Variants in NDE1 observed in about 807,000 individuals in gnomAD.
NDE1 encodes the protein nuclear distribution protein nudE homolog 1.
A neutral mutation model predicts 43.4 loss-of-function variants in NDE1; 28 were observed. The observed-to-expected ratio is 0.65, with a 90% CI of 0.48 to 0.89. The LOEUF is 0.89. NDE1 is among the 40% of genes least tolerant of loss of function. The pLI is 0.00. For synonymous variants in NDE1, 184 were observed against 172.0 expected (o/e 1.07, Z -0.55); for missense variants, 441 against 434.1 (o/e 1.02, Z -0.14).
rs2037969890 is a variant in NDE1, at chr16:15,677,911, G to A, written c.348G>A (p.Glu116=). The change falls in exon 4 of 9, where the codon GAG becomes GAA. Residue 116 remains glutamate (E), a synonymous_variant. Coordinates refer to ENST00000396354, the MANE Select transcript of NDE1 (RefSeq NM_017668.3). ...IKDQLQKYIR[E]LEQANDDLER... is the part of the protein sequence containing the mutation. ...ACCAATTGCAGAAATACATCAGAGA[G>A]CTGGAGCAAGCAAATGACGACCTGG... is the stretch of plus-strand genomic sequence containing the variant. 5.6e-6 allele frequency: 9 copies of A among 1,613,986 alleles called. No homozygotes were observed. The highest frequency in any genetic ancestry group is 7.6e-6 in the Non-Finnish European group (9 of 1,180,032).
intron 1 of NDE1, among the ~76,000 whole-genome samples, chr16:15,656,062 T>C (rs2036750965): frequency 6.6e-6 from 1 of 151,158 alleles, no homozygotes; most frequent in South Asian, 2.1e-4. Context: ...CACACCAGCA[T>C]GGCACATGTA....
rs752360820 is a variant in NDE1, at chr16:15,694,185, G to A, written c.724G>A (p.Gly242Arg). The A allele has an allele frequency of 3.1e-6, 5 of 1,612,870 alleles. No homozygotes were observed. The highest frequency in any genetic ancestry group is 1.9e-4 in the Middle Eastern group (1 of 5,172). The change falls in exon 7 of 9, where the codon GGG (glycine) becomes AGG (arginine). Residue 242 changes from glycine to arginine, a missense_variant. Gly to Arg is a moderately radical substitution (Grantham distance 125). Coordinates refer to ENST00000396354, the MANE Select transcript of NDE1 (RefSeq NM_017668.3). ...FRRGLDDSTG[G>R]TPLTPAARIS... is the part of the protein sequence containing the mutation. ...CCCAGGCCTGGACGACTCCACCGGG[G>A]GGACCCCCCTCACACCTGCGGCCCG...
intron 2 of NDE1, 26 bp downstream of exon 2, chr16:15,664,887 C>CTT (rs377725096): frequency 1.8e-3 from 2,364 of 1,334,680 alleles, no homozygotes; most frequent in Non-Finnish European, 2.0e-3. Flanking sequence ...CCTGCTTTTC[C>CTT]TTTTTTTTTT....
At chr16:15,697,067 G>A in intron 8 of NDE1, 1 of 1,483,962 alleles carries the variant, frequency 6.7e-7, no homozygotes, top group African/African-American at 1.4e-5. Context: ...CTTGTTTTGT[G>A]AGACAGGGTC....
At chr16:15,673,560 T>C (rs1054294081) in intron 3 of NDE1, among the ~76,000 whole-genome samples, 3 of 151,890 alleles carry the variant, frequency 2.0e-5, no homozygotes, top group Non-Finnish European at 4.4e-5. Context: ...TTTTTTTTTT[T>C]TTTAAGCGTT....
At chr16:15,708,707 A>G (rs2039602861) in intron 8 of NDE1, 1 of 1,309,916 alleles carries the variant, frequency 7.6e-7, no homozygotes, top group African/African-American at 1.5e-5. Flanking sequence ...GGAAATGTGC[A>G]AGGGTTTAAA....
intron 8 of NDE1, chr16:15,714,551 G>T (rs556672614): frequency 7.4e-6 from 3 of 406,538 alleles, no homozygotes; most frequent in East Asian, 5.1e-5. Flanking sequence ...GTGAAGTGGC[G>T]GGGGGTGGTG....
intron 8 of NDE1, chr16:15,718,526 G>A: frequency 6.7e-7 from 1 of 1,492,210 alleles, no homozygotes; most frequent in South Asian, 1.3e-5. Flanking sequence ...CAGGGGTATT[G>A]CCCTCATCAT....
intron 8 of NDE1, among the ~76,000 whole-genome samples, chr16:15,697,871 A>G (rs1395034166): frequency 6.8e-6 from 1 of 148,050 alleles, no homozygotes; most frequent in African/African-American, 2.5e-5. Flanking sequence ...TAGTGGCATG[A>G]TCTCAGCTCA....
intron 8 of NDE1, chr16:15,708,885 A>G (rs767483296): frequency 1.3e-6 from 2 of 1,574,742 alleles, no homozygotes; most frequent in African/African-American, 1.3e-5. Flanking sequence ...TCAGCAAACA[A>G]GAAGGAGCCC....
At position 15,653,797 on chromosome 16, in the gene NDE1, G is replaced by A. The variant is rs187978446; in HGVS notation, c.-44+3503G>A. On this transcript the variant is annotated intron_variant, in intron 1 of 8. Coordinates refer to ENST00000396354, the MANE Select transcript of NDE1 (RefSeq NM_017668.3). ...GGCTGGAGTGCTGTGGGGCGATCTC[G>A]GCTCACTGCAACCACCGCCTCCCAT... 5.7e-3 allele frequency among the ~76,000 whole-genome samples: 859 copies of A among 150,598 alleles called. 8 individuals carry two copies. The highest frequency in any genetic ancestry group is 0.02 in the African/African-American group (828 of 40,962).
intron 8 of NDE1, among the ~76,000 whole-genome samples, chr16:15,697,897 C>T (rs957290992): frequency 1.3e-5 from 2 of 151,492 alleles, no homozygotes; most frequent in Admixed American, 1.3e-4. Context: ...ACCTCTGCCT[C>T]CCAAGTCCAA....
intron 3 of NDE1, among the ~76,000 whole-genome samples, chr16:15,668,840 T>C (rs1357472021): frequency 2.0e-5 from 3 of 152,154 alleles, no homozygotes; most frequent in Non-Finnish European, 2.9e-5. Context: ...GCTGTTGACA[T>C]TGGAGCCCGG....
chr16:15,702,823 G>A (rs1407516602), intron 8 of NDE1, among the ~76,000 whole-genome samples: 1 of 152,156 alleles, frequency 6.6e-6, no homozygotes, highest in Admixed American at 6.5e-5. Context: ...GATGAGTCAA[G>A]ATGTTCTTCC....
intron 8 of NDE1, chr16:15,700,100 T>A: frequency 8.8e-7 from 1 of 1,134,966 alleles, no homozygotes; most frequent in Non-Finnish European, 1.1e-6. Flanking sequence ...GTGATGAGGC[T>A]ACCGTGTTGT....
At chr16:15,699,231 G>T (rs2039138101) in intron 8 of NDE1, among the ~76,000 whole-genome samples, 1 of 151,060 alleles carries the variant, frequency 6.6e-6, no homozygotes, top group Admixed American at 6.6e-5. Flanking sequence ...CCCAAGTGCT[G>T]GGGGTTACAA....
intron 2 of NDE1, among the ~76,000 whole-genome samples, 163 bp from the exon 3 acceptor site, chr16:15,667,123 G>A (rs1382852700): frequency 1.3e-5 from 2 of 152,102 alleles, no homozygotes; most frequent in South Asian, 2.1e-4. Flanking sequence ...CCGCATGCCT[G>A]TAGTCCCAGC....
chr16:15,685,407 T>G (rs2038388131), intron 4 of NDE1, among the ~76,000 whole-genome samples: 2 of 152,036 alleles, frequency 1.3e-5, no homozygotes, highest in South Asian at 4.2e-4. Flanking sequence ...GCACGCATCA[T>G]GCACGGCTAA....
chr16:15,690,157 G>A (rs1267173689), intron 5 of NDE1, among the ~76,000 whole-genome samples: 1 of 151,610 alleles, frequency 6.6e-6, no homozygotes, highest in East Asian at 2.0e-4. Flanking sequence ...CGATTGTCTT[G>A]CCTCAGCCTC....
Sources: gnomAD v4.1 joint callset for allele counts (sites outside exome capture counted in the v4.1 genomes callset) on GRCh38, gnomAD v4.1.1 for gene constraint, MANE v1.5 for transcripts, NCBI Gene and HGNC (gene_info 2026-07-23, HGNC 2026-07-21) for gene names.